Variants in PRELID2 observed in about 807,000 individuals in gnomAD.
The protein encoded by PRELID2 is PRELI domain-containing protein 2.
PRELID2 carries 25 observed loss-of-function variants against 28.4 expected under a neutral mutation model. That is an observed-to-expected ratio of 0.88 (90% CI 0.64 to 1.23). The LOEUF is 1.23. Among genes scored for constraint, PRELID2 ranks in the 50% most tolerant of loss-of-function variants. The pLI is 0.00. For missense variants in PRELID2, 201 were observed against 214.4 expected (o/e 0.94, Z 0.39); for synonymous variants, 76 against 71.6 (o/e 1.06, Z -0.31).
At chr5:145,528,690 TACACACACACACACAC>T (rs34302691) in intron 1 of PRELID2, among the ~76,000 whole-genome samples, 2 of 129,694 alleles carry the variant, frequency 1.5e-5, no homozygotes, top group African/African-American at 2.9e-5. Flanking sequence ...CATTCTAAAC[TACACACACACACACAC>T]ACACACACAC....
chr5:145,719,894 A>C (rs1755941023), intron 1 of PRELID2, among the ~76,000 whole-genome samples: 1 of 152,028 alleles, frequency 6.6e-6, no homozygotes, highest in Non-Finnish European at 1.5e-5. Context: ...TCAAAATCTA[A>C]GGAACAGAAA....
chr5:145,805,698 T>C (rs1753450020), intron 4 of PRELID2, among the ~76,000 whole-genome samples: 1 of 152,172 alleles, frequency 6.6e-6, no homozygotes, highest in Non-Finnish European at 1.5e-5. Context: ...AGAAATGCAT[T>C]ATTAGACAAC....
chr5:145,678,204 A>G (rs1440222611), intron 1 of PRELID2, among the ~76,000 whole-genome samples: 2 of 152,186 alleles, frequency 1.3e-5, no homozygotes, highest in Admixed American at 6.5e-5. Context: ...ACACAAGATA[A>G]TTGCTTAGGC....
chr5:145,397,685 C>G, the PRELID2 span, among the ~76,000 whole-genome samples: 2 of 152,108 alleles, frequency 1.3e-5, no homozygotes, highest in South Asian at 4.1e-4. Flanking sequence ...AAGAAGACAC[C>G]CACCTGCACT....
At chr5:145,601,440 G>A (rs1753396369) in intron 1 of PRELID2, among the ~76,000 whole-genome samples, 1 of 152,038 alleles carries the variant, frequency 6.6e-6, no homozygotes, top group Admixed American at 6.6e-5. Flanking sequence ...AGAAGAGAAT[G>A]AAAGAACGAA....
intron 1 of PRELID2, among the ~76,000 whole-genome samples, chr5:145,592,834 CTA>C (rs1398707257): frequency 3.3e-5 from 5 of 152,204 alleles, no homozygotes; most frequent in Non-Finnish European, 5.9e-5. Flanking sequence ...ATTAAGCTAA[CTA>C]TGTAATGACA....
At chr5:145,247,174 A>G in the PRELID2 span, among the ~76,000 whole-genome samples, 2 of 152,174 alleles carry the variant, frequency 1.3e-5, no homozygotes, top group Admixed American at 1.3e-4. Context: ...AACAGAAGAC[A>G]GCAAGAAAAC....
chr5:145,419,600 G>C, the PRELID2 span, among the ~76,000 whole-genome samples: 4 of 147,998 alleles, frequency 2.7e-5, no homozygotes, highest in Non-Finnish European at 6.0e-5. Flanking sequence ...TTGTAAATTT[G>C]TTTGAGTTCA....
At chr5:145,443,074 G>A in the PRELID2 span, among the ~76,000 whole-genome samples, 1 of 151,936 alleles carries the variant, frequency 6.6e-6, no homozygotes, top group Admixed American at 6.6e-5. Context: ...TGCTTTTCTG[G>A]GATAGGAATC....
chr5:145,283,799 T>C, the PRELID2 span, among the ~76,000 whole-genome samples: 1 of 152,278 alleles, frequency 6.6e-6, no homozygotes, highest in Admixed American at 6.5e-5. Flanking sequence ...CATTAGCTGG[T>C]GTTGTATTAT....
At chr5:145,315,547 T>G in the PRELID2 span, among the ~76,000 whole-genome samples, 30 of 43,576 alleles carry the variant, frequency 6.9e-4, 1 homozygote, top group African/African-American at 2.4e-3. Context: ...TCTTTCAGGG[T>G]GTGTGTGTGT....
chr5:145,421,712 GT>G, the PRELID2 span, among the ~76,000 whole-genome samples: 4 of 144,724 alleles, frequency 2.8e-5, no homozygotes, highest in African/African-American at 1.0e-4. Context: ...TTTTTGAAGG[GT>G]TTTTTTGTCT....
At chr5:145,747,068 C>T (rs913018416) in intron 1 of PRELID2, among the ~76,000 whole-genome samples, 2 of 152,208 alleles carry the variant, frequency 1.3e-5, no homozygotes, top group East Asian at 3.9e-4. Flanking sequence ...TAAATGCCCA[C>T]ATTAGAAAGC....
the PRELID2 span, among the ~76,000 whole-genome samples, chr5:145,338,895 T>G: frequency 6.6e-6 from 1 of 152,256 alleles, no homozygotes; most frequent in Non-Finnish European, 1.5e-5. Flanking sequence ...TGAATCAAGG[T>G]GATGTAAATA....
chr5:145,333,035 A>T, the PRELID2 span, among the ~76,000 whole-genome samples: 1 of 152,166 alleles, frequency 6.6e-6, no homozygotes, highest in Admixed American at 6.5e-5. Flanking sequence ...CCTCTGCTGC[A>T]GGTCTGCTGG....
chr5:145,691,463 T>A (rs1329059582), intron 1 of PRELID2, among the ~76,000 whole-genome samples: 2 of 152,068 alleles, frequency 1.3e-5, no homozygotes, highest in Non-Finnish European at 2.9e-5. Context: ...CCCAGCAAGT[T>A]GGGAGGCCGA....
chr5:145,713,842 A>G (rs1213084344), intron 1 of PRELID2, among the ~76,000 whole-genome samples: 2 of 151,116 alleles, frequency 1.3e-5, no homozygotes, highest in African/African-American at 4.9e-5. Context: ...GCCAGAAGAC[A>G]ATGGAATTAC....
chr5:145,672,002 C>T (rs939478518), intron 1 of PRELID2, among the ~76,000 whole-genome samples: 4 of 152,246 alleles, frequency 2.6e-5, no homozygotes, highest in African/African-American at 9.6e-5. Context: ...TATTTTCAAA[C>T]GCCTTGAATG....
At chr5:145,781,856 T>C (rs1038948938) in intron 5 of PRELID2, among the ~76,000 whole-genome samples, 3 of 151,464 alleles carry the variant, frequency 2.0e-5, no homozygotes, top group African/African-American at 7.3e-5. Context: ...CTGTAGCAGC[T>C]TTCAATTCTA....
Sources: gnomAD v4.1 joint callset for allele counts (sites outside exome capture counted in the v4.1 genomes callset) on GRCh38, gnomAD v4.1.1 for gene constraint, MANE v1.5 for transcripts, NCBI Gene and HGNC (gene_info 2026-07-23, HGNC 2026-07-21) for gene names.